DOCK5: variants seen among roughly 807,000 people sequenced by gnomAD.
The protein encoded by DOCK5 is dedicator of cytokinesis 5.
DOCK5 carries 142 observed loss-of-function variants against 251.8 expected under a neutral mutation model. That is an observed-to-expected ratio of 0.56 (90% CI 0.49 to 0.65). DOCK5 has a LOEUF of 0.65. Among genes scored for constraint, DOCK5 ranks in the 30% least tolerant of loss-of-function variants. The pLI is 0.00. For synonymous variants in DOCK5, 842 were observed against 835.5 expected (o/e 1.01, Z -0.13); for missense variants, 2,111 against 2,312.3 (o/e 0.91, Z 1.79).
At chr8:25,325,279 C>T in intron 17 of DOCK5, 85 bp from the exon 18 acceptor site, 1 of 1,441,620 alleles carries the variant, frequency 6.9e-7, no homozygotes, top group Non-Finnish European at 9.5e-7. Flanking sequence ...GCTTCTCATG[C>T]TGAAAATGCA....
chr8:25,368,122 C>T (rs1800810871), intron 31 of DOCK5, 70 bp from the exon 32 acceptor site: 2 of 1,240,076 alleles, frequency 1.6e-6, no homozygotes, highest in Non-Finnish European at 2.3e-6. Flanking sequence ...TTTTTACTTT[C>T]CTTCTTATTG....
At chr8:25,276,132 A>G (rs1308062240) in intron 4 of DOCK5, among the ~76,000 whole-genome samples, 2 of 152,278 alleles carry the variant, frequency 1.3e-5, no homozygotes, top group East Asian at 1.9e-4. Flanking sequence ...GAAGCCCCCA[A>G]TTCAGGATCC....
intron 1 of DOCK5, among the ~76,000 whole-genome samples, chr8:25,206,422 A>G (rs1802002011): frequency 6.6e-6 from 1 of 152,190 alleles, no homozygotes; most frequent in Non-Finnish European, 1.5e-5. Flanking sequence ...AAATACTCCC[A>G]CAGTGGCCAA....
chr8:25,199,980 T>C (rs1173022061), intron 1 of DOCK5, among the ~76,000 whole-genome samples: 1 of 152,228 alleles, frequency 6.6e-6, no homozygotes, highest in Non-Finnish European at 1.5e-5. Context: ...AATTTACATT[T>C]TGCAGAATAC....
intron 10 of DOCK5, 64 bp downstream of exon 10, chr8:25,302,518 T>G (rs1804793133): frequency 1.4e-6 from 2 of 1,421,096 alleles, no homozygotes; most frequent in Admixed American, 3.0e-5. Flanking sequence ...GCATGGCGAT[T>G]TCTCAAAAAA....
At chr8:25,404,092 C>T (rs1309067457) in intron 48 of DOCK5, among the ~76,000 whole-genome samples, 1 of 152,132 alleles carries the variant, frequency 6.6e-6, no homozygotes, top group Non-Finnish European at 1.5e-5. Flanking sequence ...CTGAGACTTC[C>T]CACTACAGTA....
chr8:25,197,147 T>TA (rs1801749428), intron 1 of DOCK5, among the ~76,000 whole-genome samples: 2 of 152,046 alleles, frequency 1.3e-5, no homozygotes, highest in Non-Finnish European at 2.9e-5. Flanking sequence ...ATAAGCCCTT[T>TA]GGGAGTCCTT....
intron 45 of DOCK5, among the ~76,000 whole-genome samples, 176 bp from the exon 46 acceptor site, chr8:25,399,735 A>C (rs925345402): frequency 6.6e-6 from 1 of 152,226 alleles, no homozygotes; most frequent in East Asian, 1.9e-4. Context: ...AGACCACACA[A>C]TAGCACACAC....
intron 36 of DOCK5, among the ~76,000 whole-genome samples, chr8:25,374,082 A>G (rs1761501403): frequency 6.6e-6 from 1 of 152,208 alleles, no homozygotes; most frequent in South Asian, 2.1e-4. Flanking sequence ...CTAATATTTA[A>G]AAACATTAAA....
intron 3 of DOCK5, chr8:25,270,657 G>A (rs561412866): frequency 5.1e-5 from 21 of 415,554 alleles, no homozygotes; most frequent in Admixed American, 8.2e-5. Context: ...ATTCAATTAC[G>A]TTCAACCAAG....
At chr8:25,366,737 A>G in intron 30 of DOCK5, 133 bp from the exon 31 acceptor site, 1 of 622,614 alleles carries the variant, frequency 1.6e-6, no homozygotes, top group Non-Finnish European at 2.7e-6. Context: ...AAAACCTAAG[A>G]AGAATGTAGA....
chr8:25,264,292 C>G (rs34195909), intron 2 of DOCK5, among the ~76,000 whole-genome samples: 7,686 of 151,634 alleles, frequency 0.051, 284 homozygotes, highest in Non-Finnish European at 0.078. Flanking sequence ...ATCCATGGAG[C>G]TGGGGTGGCG....
chr8:25,388,150 T>G (rs1801197447), intron 40 of DOCK5, among the ~76,000 whole-genome samples: 1 of 152,232 alleles, frequency 6.6e-6, no homozygotes, highest in African/African-American at 2.4e-5. Flanking sequence ...TTTACTTGCT[T>G]GTTTTTTATT....
At chr8:25,395,915 A>T (rs554625386) in intron 45 of DOCK5, 196 bp downstream of exon 45, 1 of 716,608 alleles carries the variant, frequency 1.4e-6, no homozygotes, top group East Asian at 2.8e-5. Flanking sequence ...GCTGGTATAG[A>T]ACTTACCTAG....
chr8:25,301,696 C>A (rs1804767375), intron 9 of DOCK5, among the ~76,000 whole-genome samples: 2 of 61,070 alleles, frequency 3.3e-5, no homozygotes, highest in South Asian at 7.7e-4. Context: ...CATAGGGAGA[C>A]CTTGTCAAAA....
chr8:25,276,712 T>C (rs190283184), intron 4 of DOCK5, among the ~76,000 whole-genome samples: 1 of 152,310 alleles, frequency 6.6e-6, no homozygotes, highest in Admixed American at 6.5e-5. Flanking sequence ...TTGTATGAAC[T>C]TGATTTCACA....
chr8:25,243,706 G>T lies in DOCK5; in HGVS notation c.76G>T (p.Glu26Ter). Residue 26 changes from glutamate (E) to a stop codon, truncating the protein, a stop_gained, in exon 2 of 52, where the codon GAG becomes TAG. Transcript: ENST00000276440. LOFTEE classifies it high-confidence loss of function. ...TAACTACAATGCTTCTCAAGATGTG[G>T]AGCTCTCCTTGCAGATCGGTGACAC... ...IYNYNASQDVELSLQIGDTVH... is the reference protein window; with the variant it reads ...IYNYNASQDV 6.2e-7 allele frequency: 1 copy of T among 1,613,648 alleles called. No homozygotes were observed. The highest frequency in any genetic ancestry group is 8.5e-7 in the Non-Finnish European group (1 of 1,179,722).
chr8:25,388,032 T>C (rs1007155183), intron 40 of DOCK5, among the ~76,000 whole-genome samples: 1 of 152,200 alleles, frequency 6.6e-6, no homozygotes, highest in Non-Finnish European at 1.5e-5. Context: ...TGGAAAAGTT[T>C]TATCATATAT....
rs1367237748 is a variant in DOCK5, at chr8:25,211,468, A to G, written c.43+26517A>G. 2.8e-5 allele frequency among the ~76,000 whole-genome samples: 2 copies of G among 71,328 alleles called. 1 individual carries two copies. The highest frequency in any genetic ancestry group is 9.2e-5 in the Non-Finnish European group (2 of 21,712). 46.8% of individuals were successfully genotyped at this position (71,328 alleles called of 152,430 possible). ...AGTGCTCAATAAAATATGGGCAAGC[A>G]TTTGACTTGCGTCTTAAAGAAGGTT... On this transcript the variant is annotated intron_variant, in intron 1 of 51. Transcript: ENST00000276440.
Sources: allele counts gnomAD v4.1 joint callset (sites outside exome capture counted in the v4.1 genomes callset), GRCh38; gene constraint gnomAD v4.1.1; transcripts MANE v1.5; gene names NCBI Gene and HGNC (gene_info 2026-07-23, HGNC 2026-07-21).